PDGFRA: variants seen among roughly 807,000 people sequenced by gnomAD.
PDGFRA encodes the protein platelet derived growth factor receptor alpha.
In PDGFRA, 25 loss-of-function variants were observed where a neutral mutation model predicts 121.5. The observed-to-expected ratio is 0.21, with a 90% CI of 0.15 to 0.29. The LOEUF is 0.29. Among genes scored for constraint, PDGFRA ranks in the 10% least tolerant of loss-of-function variants. PDGFRA has a pLI of 1.00. For synonymous variants in PDGFRA, 463 were observed against 494.8 expected (o/e 0.94, Z 0.85); for missense variants, 1,008 against 1,345.1 (o/e 0.75, Z 3.92).
chr4:54,258,467 T>C (rs2110234198), intron 1 of PDGFRA, among the ~76,000 whole-genome samples: 1 of 152,238 alleles, frequency 6.6e-6, no homozygotes, highest in Non-Finnish European at 1.5e-5. Flanking sequence ...TATATGTATT[T>C]ATTTCTTTGT....
In PDGFRA at chr4:54,241,514, AATTTATTT is replaced by A. The variant is rs34623203; in HGVS notation, c.-13+12134_-13+12141del. Among the ~76,000 whole-genome samples, 389 of 148,466 alleles carry A rather than the reference AATTTATTT, an allele frequency of 2.6e-3. 5 individuals are homozygous for A. Among genetic ancestry groups the A allele is most frequent in the South Asian group, 7.0e-3 (33 of 4,694 alleles). ...ATGTAATTAGCCATAACTGAAAGGA[AATTTATTT>A]ATTTATTTATTTATTTATTTATTTA... On this transcript the variant is annotated intron_variant, in intron 1 of 22. Coordinates refer to ENST00000257290, the MANE Select transcript of PDGFRA (RefSeq NM_006206.6).
At chr4:54,263,330 G>T (rs1408935222) in intron 3 of PDGFRA, among the ~76,000 whole-genome samples, 3 of 152,008 alleles carry the variant, frequency 2.0e-5, no homozygotes, top group African/African-American at 7.3e-5. Context: ...TCTCTATGTT[G>T]CCCAGGCTGG....
chr4:54,278,580 A>G (rs1723889585), intron 15 of PDGFRA, 65 bp downstream of exon 15: 2 of 1,484,192 alleles, frequency 1.3e-6, no homozygotes, highest in African/African-American at 1.4e-5. Context: ...GGAAAGACCC[A>G]TGTCCTGATA....
At chr4:54,263,583 A>G in intron 3 of PDGFRA, 84 bp from the exon 4 acceptor site, 1 of 1,290,726 alleles carries the variant, frequency 7.7e-7, no homozygotes, top group Non-Finnish European at 1.1e-6. Flanking sequence ...AATATCAATA[A>G]TGCCAGTGGG....
At chr4:54,289,679 A>G (rs1724529998) in intron 21 of PDGFRA, among the ~76,000 whole-genome samples, 1 of 152,056 alleles carries the variant, frequency 6.6e-6, no homozygotes, top group South Asian at 2.1e-4. Context: ...GACTTTTTAT[A>G]CTTATCATTT....
chr4:54,244,710 T>G (rs1457891001), intron 1 of PDGFRA, among the ~76,000 whole-genome samples: 1 of 152,244 alleles, frequency 6.6e-6, no homozygotes, highest in East Asian at 1.9e-4. Flanking sequence ...GGAACAAAGC[T>G]GGACGGAGAA....
At position 54,274,603 on chromosome 4, in the gene PDGFRA, T is replaced by C. The variant is rs181854060; in HGVS notation, c.1631T>C (p.Val544Ala). 136 of 1,613,374 alleles carry C rather than the reference T, an allele frequency of 8.4e-5. 3 individuals are homozygous for C. The East Asian group carries it at 9.6e-4, about 11-fold the overall frequency. The change falls in exon 11 of 23, where the codon GTC (valine) becomes GCC (alanine). Residue 544 changes from valine (V) to alanine (A), a missense_variant. By Grantham distance (64) the Val-to-Ala change is moderately conservative. Coordinates refer to ENST00000257290, the MANE Select transcript of PDGFRA (RefSeq NM_006206.6). ...GTGATTGTGATCATCTCACTTATTG[T>C]CCTGGTTGTCATTTGGAAACAGGTA... is the stretch of plus-strand genomic sequence containing the variant. Reference protein sequence around the residue: ...LLVIVIISLIVLVVIWKQKPR... With the variant: ...LLVIVIISLIALVVIWKQKPR...
chr4:54,289,029 G>T lies in PDGFRA; in HGVS notation c.2795G>T (p.Cys932Phe). 1 of 1,611,086 alleles carries T rather than the reference G, an allele frequency of 6.2e-7. No homozygotes were observed. ...TSEVYEIMVK[C>F]WNSEPEKRPS... is the part of the protein sequence containing the mutation. ...CACAGCTACGAGATCATGGTGAAATGCTGGAACAGTGAGCCGGAGAAGAGA... is the reference window on the plus strand; with the variant it reads ...CACAGCTACGAGATCATGGTGAAATTCTGGAACAGTGAGCCGGAGAAGAGA... The change falls in exon 21 of 23, where the codon TGC (cysteine) becomes TTC (phenylalanine). Residue 932 changes from cysteine to phenylalanine, a missense_variant. Physicochemically the swap from Cys to Phe is radical, Grantham distance 205. Transcript: ENST00000257290.
chr4:54,229,515 G>GAAAA, intron 1 of PDGFRA, 100 bp downstream of exon 1: 1 of 322,456 alleles, frequency 3.1e-6, no homozygotes, highest in African/African-American at 2.2e-5. Context: ...TGGGCGACAA[G>GAAAA]AAAAAAAAAA....
intron 16 of PDGFRA, chr4:54,280,855 A>G: frequency 5.8e-6 from 1 of 171,286 alleles, no homozygotes; most frequent in Non-Finnish European, 1.3e-5. Flanking sequence ...ATTTTTTTTA[A>G]TGCCCTTACT....
chr4:54,246,202 C>T (rs1721650271), intron 1 of PDGFRA, among the ~76,000 whole-genome samples: 1 of 152,186 alleles, frequency 6.6e-6, no homozygotes. Flanking sequence ...GAACTCAGCT[C>T]TGCACCAAGC....
At chr4:54,247,520 C>A (rs1309037960) in intron 1 of PDGFRA, among the ~76,000 whole-genome samples, 2 of 151,876 alleles carry the variant, frequency 1.3e-5, no homozygotes, top group Non-Finnish European at 2.9e-5. Flanking sequence ...AATTCAACAA[C>A]CCTTCATGCT....
chr4:54,283,340 G>A (rs2412558), intron 16 of PDGFRA, among the ~76,000 whole-genome samples: 114,913 of 152,142 alleles, frequency 0.76, 44,994 homozygotes, highest in Middle Eastern at 0.89. Context: ...AACACTCTGT[G>A]CACCCACAGG....
chr4:54,282,093 GA>G (rs1724109892), intron 16 of PDGFRA: 4 of 428,168 alleles, frequency 9.3e-6, no homozygotes, highest in East Asian at 1.8e-4. Flanking sequence ...AATTATGGTT[GA>G]AAAAAAGAAA....
chr4:54,234,262 C>T (rs1055642548), intron 1 of PDGFRA, among the ~76,000 whole-genome samples: 1 of 151,360 alleles, frequency 6.6e-6, no homozygotes, highest in Non-Finnish European at 1.5e-5. Context: ...TTTCCTATTT[C>T]TGCTTAAACC....
At chr4:54,249,347 C>T (rs997608242) in intron 1 of PDGFRA, among the ~76,000 whole-genome samples, 13 of 152,204 alleles carry the variant, frequency 8.5e-5, no homozygotes, top group South Asian at 4.1e-4. Context: ...ATGTTTATTG[C>T]GGCACTATTC....
rs770950644 is a variant in PDGFRA, at chr4:54,274,623, C to A, written c.1651C>A (p.Gln551Lys). The change falls in exon 11 of 23, where the codon CAG (glutamine) becomes AAG (lysine). Residue 551 changes from glutamine to lysine, a missense_variant and splice_region_variant. By Grantham distance (53) the Gln-to-Lys change is moderately conservative (BLOSUM62 1). Transcript: ENST00000257290. The stretch of plus-strand genomic sequence containing the variant: ...TATTGTCCTGGTTGTCATTTGGAAA[C>A]AGGTAGATATTTTCTCATAAAACTA... ...SLIVLVVIWK[Q>K]KPRYEIRWRV... is the part of the protein sequence containing the mutation. The A allele has an allele frequency of 1.6e-5, 25 of 1,607,772 alleles. No homozygotes were observed. Among genetic ancestry groups the A allele is most frequent in the South Asian group, 1.1e-5 (1 of 90,972 alleles).
chr4:54,255,066 G>T (rs763889055), intron 1 of PDGFRA, among the ~76,000 whole-genome samples: 4 of 152,132 alleles, frequency 2.6e-5, no homozygotes, highest in Non-Finnish European at 4.4e-5. Context: ...CACAGCTTTT[G>T]CATCACACAG....
chr4:54,245,218 C>A lies in PDGFRA; in HGVS notation c.-12-13539C>A, dbSNP rs377694709. Among the ~76,000 whole-genome samples, 87 of 151,226 alleles carry A rather than the reference C, an allele frequency of 5.8e-4. 1 individual carries two copies. Among genetic ancestry groups the A allele is most frequent in the Non-Finnish European group, 1.5e-5 (1 of 67,766 alleles). ...ATTCAGATTCAGGAAATACAGAGAA[C>A]GCCACAAAGATACTCCTCGAGAAGA... On this transcript the variant is annotated intron_variant, in intron 1 of 22. Coordinates refer to ENST00000257290, the MANE Select transcript of PDGFRA (RefSeq NM_006206.6).
Sources: gnomAD v4.1 joint callset for allele counts (sites outside exome capture counted in the v4.1 genomes callset) on GRCh38, gnomAD v4.1.1 for gene constraint, MANE v1.5 for transcripts, NCBI Gene and HGNC (gene_info 2026-07-23, HGNC 2026-07-21) for gene names.